Variants in NEDD9 observed in about 807,000 individuals in gnomAD.
NEDD9 encodes neural precursor cell expressed, developmentally down-regulated 9.
A neutral mutation model predicts 76.6 loss-of-function variants in NEDD9; 26 were observed. That is an observed-to-expected ratio of 0.34 (90% CI 0.25 to 0.47). NEDD9 has a LOEUF of 0.47. NEDD9 is among the 20% of genes least tolerant of loss of function. The probability of loss-of-function intolerance (pLI) is 1.00; values close to 1 mark genes in which losing one functional copy is unlikely to be tolerated. For missense variants in NEDD9, 937 were observed against 1,058.5 expected, an observed-to-expected ratio of 0.89 and a Z score of 1.59; for synonymous variants, 392 against 414.2, an observed-to-expected ratio of 0.95 and a Z score of 0.65.
At chr6:11,223,150 A>G (rs4711205) in intron 1 of NEDD9, among the ~76,000 whole-genome samples, 56,840 of 152,014 alleles carry the variant, frequency 0.37, 11,056 homozygotes, top group East Asian at 0.53. Context: ...CTAAGTGTCA[A>G]TAGTGCCAAG....
At chr6:11,332,645 T>C (rs1433761758) in intron 2 of NEDD9, among the ~76,000 whole-genome samples, 1 of 152,192 alleles carries the variant, frequency 6.6e-6, no homozygotes, top group Non-Finnish European at 1.5e-5. Flanking sequence ...CACGTCGTGT[T>C]CTATTTAAGT....
intron 1 of NEDD9, chr6:11,214,254 T>C (rs769930723): frequency 2.0e-6 from 1 of 505,804 alleles, no homozygotes; most frequent in South Asian, 1.5e-5. Context: ...TTGGCAGGGC[T>C]TAGAAATTCT....
upstream of NEDD9, among the ~76,000 whole-genome samples, chr6:11,237,176 C>T (rs995644596): frequency 3.9e-5 from 6 of 152,160 alleles, no homozygotes; most frequent in African/African-American, 7.2e-5. The surrounding 1 kb of genome is among the most constrained non-coding windows in gnomAD (Gnocchi z 4.9). Flanking sequence ...TACTGGAACA[C>T]GGCCCTATTA....
In NEDD9 at chr6:11,194,224, A is replaced by T. The variant is rs142256762; in HGVS notation, c.460-532T>A. On this transcript the variant is annotated intron_variant, in intron 2 of 6. Coordinates refer to ENST00000379446, the MANE Select transcript of NEDD9 (RefSeq NM_006403.4). ...AAAAAATCCCTAAAATATCTCTATC[A>T]CCCTTAATTGTGATCATCTCAAAGT... Among the ~76,000 whole-genome samples, 355 of 152,140 alleles carry T rather than the reference A, an allele frequency of 2.3e-3. 1 individual carries two copies. The highest frequency in any genetic ancestry group is 4.1e-3 in the Admixed American group (63 of 15,272).
At chr6:11,317,819 G>A (rs972889081) in intron 2 of NEDD9, among the ~76,000 whole-genome samples, 1 of 152,206 alleles carries the variant, frequency 6.6e-6, no homozygotes, top group African/African-American at 2.4e-5. Context: ...GCCACAGGAT[G>A]TCCAGACATT....
chr6:11,307,779 C>T (rs535164696), intron 2 of NEDD9, among the ~76,000 whole-genome samples: 1 of 152,246 alleles, frequency 6.6e-6, no homozygotes, highest in South Asian at 2.1e-4. Flanking sequence ...AGAGTACTGC[C>T]AGGACTCCAG....
At chr6:11,231,763 A>ATGGTGT (rs1447322304) in intron 1 of NEDD9, among the ~76,000 whole-genome samples, 32 of 152,186 alleles carry the variant, frequency 2.1e-4, no homozygotes, top group Admixed American at 1.6e-3. Context: ...TGGCAAGAAA[A>ATGGTGT]ATCCACAAAC....
intron 3 of NEDD9, among the ~76,000 whole-genome samples, chr6:11,239,968 C>T (rs895842193): frequency 1.4e-4 from 21 of 148,208 alleles, no homozygotes; most frequent in African/African-American, 3.8e-4. Flanking sequence ...CGCTTGAACC[C>T]GGGAGGCGGA....
Position 11,337,946 on chromosome 6 carries a change from G to GTTAC in NEDD9, c.-213-3389_-213-3386dup, listed in dbSNP as rs143815927. Among the ~76,000 whole-genome samples the GTTAC allele has an allele frequency of 1.6e-4, 24 of 152,296 alleles. No individual in the cohort carries two copies. In the East Asian group the frequency reaches 4.6e-3, roughly 29 times the overall value. On this transcript the variant is annotated intron_variant, in intron 1 of 3. Coordinates refer to the NEDD9 transcript ENST00000397378. ...ACATCTCGGGCATGAGGAGATGCATGTTACTATCTGTGCTTCATAGACACA... is the reference window on the plus strand; with the variant it reads ...ACATCTCGGGCATGAGGAGATGCATGTTACTTACTATCTGTGCTTCATAGACACA...
At chr6:11,371,954 C>T (rs966350653) in intron 1 of NEDD9, among the ~76,000 whole-genome samples, 2 of 152,288 alleles carry the variant, frequency 1.3e-5, no homozygotes, top group South Asian at 4.1e-4. Flanking sequence ...GTCTCCATCA[C>T]CTCAAGCATT....
chr6:11,231,731 C>T (rs1046967497), intron 1 of NEDD9, among the ~76,000 whole-genome samples: 3 of 152,044 alleles, frequency 2.0e-5, no homozygotes, highest in Non-Finnish European at 4.4e-5. Flanking sequence ...GGGGAATATA[C>T]GGAGCAAGTC....
At chr6:11,360,434 C>T (rs1762658398) in intron 1 of NEDD9, among the ~76,000 whole-genome samples, 1 of 152,180 alleles carries the variant, frequency 6.6e-6, no homozygotes, top group Admixed American at 6.5e-5. Context: ...TCTGTGTCCC[C>T]ACCCAAATCT....
At chr6:11,266,023 G>A (rs566540452) in intron 3 of NEDD9, among the ~76,000 whole-genome samples, 79 of 148,940 alleles carry the variant, frequency 5.3e-4, no homozygotes, top group African/African-American at 1.7e-3. Context: ...ATTGACAATG[G>A]AGACTTGGAA....
chr6:11,323,129 A>G (rs553528052), intron 2 of NEDD9, among the ~76,000 whole-genome samples: 1 of 152,356 alleles, frequency 6.6e-6, no homozygotes, highest in Admixed American at 6.5e-5. Flanking sequence ...ACAGTGCCCT[A>G]GAGAGTTAGC....
At chr6:11,254,352 C>T (rs760085426) in intron 3 of NEDD9, among the ~76,000 whole-genome samples, 6 of 152,166 alleles carry the variant, frequency 3.9e-5, no homozygotes, top group African/African-American at 9.7e-5. Flanking sequence ...AACTCCCAAC[C>T]TCATGATCTG....
chr6:11,320,116 G>A (rs568714563), intron 2 of NEDD9, among the ~76,000 whole-genome samples: 2 of 152,292 alleles, frequency 1.3e-5, no homozygotes, highest in South Asian at 4.1e-4. Context: ...ACCATGAGAT[G>A]TGTCCTTCTT....
At position 11,346,905 on chromosome 6, in the gene NEDD9, T is replaced by C. The variant is rs569409988; in HGVS notation, c.-213-12344A>G. 3.3e-5 allele frequency among the ~76,000 whole-genome samples: 5 copies of C among 152,246 alleles called. No individual in the cohort carries two copies. In the East Asian group the frequency reaches 9.6e-4, roughly 29 times the overall value. On this transcript the variant is annotated intron_variant, in intron 1 of 3. Coordinates refer to the NEDD9 transcript ENST00000397378. Reference sequence around the variant, plus strand: ...TTAGTCAGGACTGGCCTGAAATTTGTGTTGTGAAAGGTCAGCCAGCTTCTC... The same window carrying C: ...TTAGTCAGGACTGGCCTGAAATTTGCGTTGTGAAAGGTCAGCCAGCTTCTC...
rs560843019 is a variant in NEDD9 at position 11,229,931 on chromosome 6, C to A, written c.12+2573G>T. On this transcript the variant is annotated intron_variant, in intron 1 of 6. Transcript: ENST00000379446. The stretch of plus-strand genomic sequence containing the variant: ...AGGTTTGTTGTTCCGTAGTTGTGAT[C>A]CCTGGGGCAGCCAAACCAGATAATC... Among the ~76,000 whole-genome samples the A allele has an allele frequency of 3.3e-5, 5 of 152,312 alleles. No homozygotes were observed. The South Asian group carries it at 1.0e-3, about 32-fold the overall frequency.
chr6:11,193,704 A>G lies in NEDD9; in HGVS notation c.460-12T>C. 3 of 1,600,160 alleles carry G rather than the reference A, an allele frequency of 1.9e-6. No homozygotes were observed. The highest frequency in any genetic ancestry group is 1.7e-6 in the Non-Finnish European group (2 of 1,167,626). On this transcript the variant is annotated splice_polypyrimidine_tract_variant and intron_variant, in intron 2 of 6. Coordinates refer to ENST00000379446, the MANE Select transcript of NEDD9 (RefSeq NM_006403.4). ...ACGGGGGTTATCACCTGTGGGAGAG[A>G]AGGCACAGAGGTGTAAATTTCCAAG...
Sources: gnomAD v4.1 joint callset for allele counts (sites outside exome capture counted in the v4.1 genomes callset) on GRCh38, gnomAD v4.1.1 for gene constraint, Gnocchi (gnomAD v3.1) non-coding constraint, MANE v1.5 for transcripts, NCBI Gene and HGNC (gene_info 2026-07-23, HGNC 2026-07-21) for gene names.